The following PRKG1 variants were observed in gnomAD, a reference collection of about 807,000 sequenced individuals.
PRKG1 encodes the protein cGMP-dependent protein kinase 1.
Under a neutral mutation model 88.1 loss-of-function variants are expected in PRKG1, and 35 were observed. The observed-to-expected ratio is 0.40, with a 90% CI of 0.30 to 0.53. The LOEUF (loss-of-function observed/expected upper bound fraction) is 0.53. Ranked by LOEUF, PRKG1 falls within the 20% of genes least tolerant of loss-of-function variation. The probability of loss-of-function intolerance (pLI) is 0.59; values close to 1 mark genes in which losing one functional copy is unlikely to be tolerated. For synonymous variants in PRKG1, 303 were observed against 292.5 expected (o/e 1.04, Z -0.37); for missense variants, 540 against 839.8 (o/e 0.64, Z 4.41).
At chr10:51,535,473 A>G (rs1431926549) in intron 3 of PRKG1, among the ~76,000 whole-genome samples, 1 of 152,198 alleles carries the variant, frequency 6.6e-6, no homozygotes, top group Non-Finnish European at 1.5e-5. Flanking sequence ...AACCCAATTT[A>G]AAGTGTTTTG....
At position 51,508,317 on chromosome 10, in the gene PRKG1, G is replaced by A. The variant is rs543083215; in HGVS notation, c.592+40481G>A. 3.9e-5 allele frequency among the ~76,000 whole-genome samples: 6 copies of A among 152,144 alleles called. No individual in the cohort carries two copies. The South Asian group carries it at 6.2e-4, about 16-fold the overall frequency. ...TTACTTTCTATGTGAAAGAATATAC[G>A]CATGGTCTGCCTTGGTAATTAGGGA... On this transcript the variant is annotated intron_variant, in intron 3 of 17. Transcript: ENST00000373980.
chr10:51,126,124 T>G (rs867882746), intron 1 of PRKG1, among the ~76,000 whole-genome samples: 1 of 120,158 alleles, frequency 8.3e-6, no homozygotes. Flanking sequence ...TATAATTATA[T>G]TTAATTTTAT....
At chr10:51,198,705 G>A (rs369531074) in intron 2 of PRKG1, among the ~76,000 whole-genome samples, 27 of 152,226 alleles carry the variant, frequency 1.8e-4, no homozygotes, top group East Asian at 7.7e-4. Flanking sequence ...TTCTTATGCC[G>A]TCAGTCTTTG....
chr10:51,365,290 T>G (rs1029870372), intron 2 of PRKG1, among the ~76,000 whole-genome samples: 1 of 151,910 alleles, frequency 6.6e-6, no homozygotes, highest in African/African-American at 2.4e-5. Context: ...TTCTGTCTGA[T>G]TCAAAGCCCA....
At chr10:51,171,998 G>A (rs1837038161) in intron 2 of PRKG1, among the ~76,000 whole-genome samples, 1 of 101,876 alleles carries the variant, frequency 9.8e-6, no homozygotes, top group Non-Finnish European at 2.0e-5. Flanking sequence ...TGAAGAAAAA[G>A]TGTAGCATTT....
intron 3 of PRKG1, among the ~76,000 whole-genome samples, chr10:51,802,197 A>G (rs1358446893): frequency 1.3e-5 from 2 of 152,202 alleles, no homozygotes; most frequent in Non-Finnish European, 2.9e-5. Context: ...CAAGGTGATT[A>G]TTAGTCATGC....
intron 3 of PRKG1, among the ~76,000 whole-genome samples, chr10:51,751,041 T>G (rs1837712047): frequency 6.6e-6 from 1 of 152,188 alleles, no homozygotes; most frequent in African/African-American, 2.4e-5. Context: ...AAAGAGAGAA[T>G]TTTAGATTAA....
chr10:51,835,974 T>G (rs1410953267), intron 4 of PRKG1, among the ~76,000 whole-genome samples: 1 of 152,236 alleles, frequency 6.6e-6, no homozygotes, highest in African/African-American at 2.4e-5. Context: ...TTCATTTCTC[T>G]GTGATTAGAG....
chr10:51,878,528 A>T (rs578108874), intron 4 of PRKG1, among the ~76,000 whole-genome samples: 2 of 152,300 alleles, frequency 1.3e-5, no homozygotes, highest in African/African-American at 4.8e-5. Flanking sequence ...TCCTTGGTGG[A>T]TCACTAAGAA....
At chr10:51,366,413 T>C (rs1014379594) in intron 2 of PRKG1, among the ~76,000 whole-genome samples, 5 of 152,008 alleles carry the variant, frequency 3.3e-5, no homozygotes, top group South Asian at 2.1e-4. Flanking sequence ...AAGAAAACAA[T>C]GTTCCTGTCA....
intron 3 of PRKG1, among the ~76,000 whole-genome samples, chr10:51,557,187 G>T (rs1339828910): frequency 4.6e-5 from 7 of 151,908 alleles, no homozygotes; most frequent in Non-Finnish European, 4.4e-5. Context: ...CTAAGTTAGG[G>T]CAAGAAACTC....
intron 5 of PRKG1, among the ~76,000 whole-genome samples, chr10:51,947,782 C>G (rs929963803): frequency 6.6e-6 from 1 of 152,078 alleles, no homozygotes; most frequent in Admixed American, 6.5e-5. Flanking sequence ...TCCATGGGGA[C>G]TGAATTCCTT....
At chr10:52,109,836 T>C (rs190854682) in intron 7 of PRKG1, among the ~76,000 whole-genome samples, 5 of 152,036 alleles carry the variant, frequency 3.3e-5, no homozygotes, top group Middle Eastern at 3.4e-3. Context: ...TATCACTGCC[T>C]TACATAGGTC....
intron 3 of PRKG1, among the ~76,000 whole-genome samples, chr10:51,526,562 T>C (rs755126330): frequency 1.1e-4 from 16 of 152,210 alleles, no homozygotes; most frequent in Non-Finnish European, 2.1e-4. Flanking sequence ...GAGGTAATCA[T>C]TTTTAAAAAA....
At position 51,907,568 on chromosome 10, in the gene PRKG1, G is replaced by C; in HGVS notation, c.760G>C (p.Glu254Gln). 6.2e-7 allele frequency: 1 copy of C among 1,613,286 alleles called. No individual in the cohort carries two copies. Among genetic ancestry groups the C allele is most frequent in the South Asian group, 1.1e-5 (1 of 90,966 alleles). ...ILSKLADVLE[E>Q]THYENGEYII... ...CAGCAAGCTTGCTGATGTCCTTGAA[G>C]AGGTAATTGTTTTTAGCCTTTGAAC... Residue 254 changes from glutamate to glutamine, a missense_variant and splice_region_variant, in exon 5 of 18, where the codon GAG (glutamate) becomes CAG (glutamine). By Grantham distance (29) the Glu-to-Gln change is conservative (BLOSUM62 2). Transcript: ENST00000373980.
chr10:51,557,500 T>A (rs1308077945), intron 3 of PRKG1, among the ~76,000 whole-genome samples: 2 of 152,006 alleles, frequency 1.3e-5, no homozygotes, highest in Non-Finnish European at 2.9e-5. Flanking sequence ...GTTATGAGTA[T>A]GGGCTTTATT....
At chr10:51,527,439 A>G (rs1419724269) in intron 3 of PRKG1, among the ~76,000 whole-genome samples, 1 of 152,174 alleles carries the variant, frequency 6.6e-6, no homozygotes, top group Non-Finnish European at 1.5e-5. Flanking sequence ...ACAAAAACAA[A>G]AACAGTGGAA....
At chr10:52,105,729 T>TA (rs765288593) in intron 7 of PRKG1, among the ~76,000 whole-genome samples, 2 of 152,172 alleles carry the variant, frequency 1.3e-5, no homozygotes, top group Non-Finnish European at 2.9e-5. Context: ...ATCCAGGTAT[T>TA]AAGCTTAGTA....
chr10:51,679,463 T>C (rs1199238319), intron 3 of PRKG1, among the ~76,000 whole-genome samples: 1 of 152,062 alleles, frequency 6.6e-6, no homozygotes, highest in African/African-American at 2.4e-5. Context: ...ATTCTTGTGA[T>C]TTTTCTTAAT....
Sources: gnomAD v4.1 joint callset for allele counts (sites outside exome capture counted in the v4.1 genomes callset) on GRCh38, gnomAD v4.1.1 for gene constraint, MANE v1.5 for transcripts, NCBI Gene and HGNC (gene_info 2026-07-23, HGNC 2026-07-21) for gene names.